Variants in SLC25A16 observed in about 807,000 individuals in gnomAD.
The protein encoded by SLC25A16 is solute carrier family 25 member 16.
SLC25A16 carries 39 observed loss-of-function variants against 41.5 expected under a neutral mutation model. The observed-to-expected ratio is 0.94, with a 90% CI of 0.73 to 1.23. The LOEUF (loss-of-function observed/expected upper bound fraction) is 1.23, where lower values mean the gene tolerates loss of function less well. SLC25A16 is among the 50% of genes most tolerant of loss of function. The pLI, the probability that SLC25A16 is intolerant of heterozygous loss-of-function variation, is 0.00. For missense variants in SLC25A16, 421 were observed against 426.9 expected, an observed-to-expected ratio of 0.99 and a Z score of 0.12; for synonymous variants, 146 against 147.8, an observed-to-expected ratio of 0.99 and a Z score of 0.09.
chr10:68,493,079 AG>A (rs1181124630), intron 6 of SLC25A16, 52 bp downstream of exon 6: 156 of 994,722 alleles, frequency 1.6e-4, no homozygotes, highest in Middle Eastern at 4.5e-4. Flanking sequence ...AAAAAAAAAA[AG>A]GTAACAAATT....
chr10:68,499,169 C>T (rs1346799481), intron 4 of SLC25A16, among the ~76,000 whole-genome samples: 1 of 152,014 alleles, frequency 6.6e-6, no homozygotes, highest in Non-Finnish European at 1.5e-5. Context: ...AACAAACATA[C>T]AGGCAAGTTA....
At position 68,526,593 on chromosome 10, in the gene SLC25A16, T is replaced by A. The variant is rs941767682; in HGVS notation, c.130+653A>T. On this transcript the variant is annotated intron_variant, in intron 1 of 8. Coordinates refer to ENST00000609923, the MANE Select transcript of SLC25A16 (RefSeq NM_152707.4). ...CTTTCCTAAGTCTCTCGTTCCACCT[T>A]ACGAGAAACACCCACAGGTGTGGAG... Among the ~76,000 whole-genome samples the A allele has an allele frequency of 9.9e-5, 15 of 152,128 alleles. 1 individual carries two copies. Among genetic ancestry groups the A allele is most frequent in the African/African-American group, 3.6e-4 (15 of 41,436 alleles).
intron 1 of SLC25A16, 47 bp from the exon 2 acceptor site, chr10:68,516,890 T>C: frequency 7.1e-7 from 1 of 1,413,080 alleles, no homozygotes; most frequent in East Asian, 2.3e-5. Context: ...ACCATTTCTT[T>C]CCAGATGGAA....
chr10:68,480,486 G>GT lies in SLC25A16; in HGVS notation c.*2945dup, dbSNP rs1564905208. ...CCCTTTTACTGATAACCTAACTGAG[G>GT]TATCTTTTTTTTTTTTTTTTTTTTT... is the stretch of plus-strand genomic sequence containing the variant. On this transcript the variant is annotated 3_prime_UTR_variant, in exon 9 of 9. Transcript: ENST00000609923. 1 of 131,092 alleles carries GT rather than the reference G, an allele frequency of 7.6e-6. No homozygotes were observed. The highest frequency in any genetic ancestry group is 2.9e-5 in the African/African-American group (1 of 35,066). 8.1% of individuals were successfully genotyped at this position (131,092 alleles called of 1,614,324 possible).
At chr10:68,489,974 T>A (rs920487020) in intron 6 of SLC25A16, among the ~76,000 whole-genome samples, 1 of 151,298 alleles carries the variant, frequency 6.6e-6, no homozygotes, top group Non-Finnish European at 1.5e-5. Context: ...ATTATGAAAC[T>A]GCCGTAGCCC....
chr10:68,521,980 G>A (rs751947081), intron 1 of SLC25A16, among the ~76,000 whole-genome samples: 12 of 151,908 alleles, frequency 7.9e-5, no homozygotes, highest in Admixed American at 2.0e-4. Context: ...GGCCAACATA[G>A]TGAAACCCGT....
intron 1 of SLC25A16, among the ~76,000 whole-genome samples, chr10:68,524,533 C>T (rs1245281591): frequency 1.4e-5 from 2 of 147,724 alleles, no homozygotes; most frequent in East Asian, 2.0e-4. Context: ...AGTAAGACAC[C>T]GTCTCAAAAA....
At chr10:68,508,645 G>T (rs192993664) in intron 2 of SLC25A16, among the ~76,000 whole-genome samples, 1 of 151,966 alleles carries the variant, frequency 6.6e-6, no homozygotes, top group Non-Finnish European at 1.5e-5. Context: ...TTGAACCCGG[G>T]AGGCGGAGGT....
chr10:68,507,070 CTTTTTTTT>C (rs71019019), intron 2 of SLC25A16, among the ~76,000 whole-genome samples: 2 of 115,634 alleles, frequency 1.7e-5, no homozygotes, highest in African/African-American at 3.2e-5. Flanking sequence ...ATGACCTACT[CTTTTTTTT>C]TTTTTTTTTT....
At chr10:68,494,287 C>T (rs111395106) in intron 4 of SLC25A16, among the ~76,000 whole-genome samples, 1 of 151,664 alleles carries the variant, frequency 6.6e-6, no homozygotes, top group Non-Finnish European at 1.5e-5. Context: ...CATGGTGAAA[C>T]CCCATCTCTA....
chr10:68,496,378 T>G (rs753937372), intron 4 of SLC25A16: 14 of 542,434 alleles, frequency 2.6e-5, no homozygotes, highest in Non-Finnish European at 3.3e-5. Flanking sequence ...ACACTTCTTT[T>G]AAGAAGGCCA....
At chr10:68,520,931 C>T (rs1382986362) in intron 1 of SLC25A16, among the ~76,000 whole-genome samples, 3 of 151,530 alleles carry the variant, frequency 2.0e-5, no homozygotes, top group African/African-American at 2.4e-5. Flanking sequence ...GTCAGGAGAT[C>T]GAGACCATCC....
intron 5 of SLC25A16, 42 bp from the exon 6 acceptor site, chr10:68,493,240 T>C (rs1461502049): frequency 1.5e-6 from 2 of 1,369,522 alleles, no homozygotes; most frequent in Non-Finnish European, 2.0e-6. Flanking sequence ...TACATTGTGC[T>C]CATTATCATA....
In SLC25A16 at chr10:68,488,584, G is replaced by C; in HGVS notation, c.656C>G (p.Ser219Cys). The change falls in exon 7 of 9, where the codon TCC (serine) becomes TGC (cysteine). Residue 219 changes from serine (S) to cysteine (C), a missense_variant. Physicochemically the swap from Ser to Cys is moderately radical, Grantham distance 112. Transcript: ENST00000609923. ...TFGTLKSVGL[S>C]HAPTLLGRPS... The stretch of plus-strand genomic sequence containing the variant: ...TCTGCCAAGAAGGGTAGGAGCATGG[G>C]AAAGCCCAACACTCTTCAAGGTACC... 1 of 1,611,728 alleles carries C rather than the reference G, an allele frequency of 6.2e-7. No homozygotes were observed. The highest frequency in any genetic ancestry group is 1.3e-5 in the African/African-American group (1 of 74,866).
chr10:68,524,107 G>A (rs1020316342), intron 1 of SLC25A16, among the ~76,000 whole-genome samples: 29 of 151,838 alleles, frequency 1.9e-4, no homozygotes, highest in East Asian at 1.2e-3. Flanking sequence ...TCAGGAGATC[G>A]AGACCATCCT....
intron 4 of SLC25A16, among the ~76,000 whole-genome samples, chr10:68,500,656 C>T (rs1219095029): frequency 6.6e-6 from 1 of 151,458 alleles, no homozygotes; most frequent in Non-Finnish European, 1.5e-5. Flanking sequence ...ATAGGACAGG[C>T]ACCATGGCTC....
chr10:68,518,318 C>G (rs9414980), intron 1 of SLC25A16: 1 of 148,720 alleles, frequency 6.7e-6, no homozygotes, highest in Non-Finnish European at 1.5e-5. Flanking sequence ...CTGGGGAGGC[C>G]GAGGAAGAAG....
intron 4 of SLC25A16, among the ~76,000 whole-genome samples, chr10:68,501,539 G>A (rs1368122483): frequency 6.6e-6 from 1 of 150,430 alleles, no homozygotes; most frequent in Non-Finnish European, 1.5e-5. Context: ...AAGAGGAGAA[G>A]AGGAGAGGAG....
chr10:68,498,062 C>T (rs1369474869), intron 4 of SLC25A16, among the ~76,000 whole-genome samples: 1 of 152,056 alleles, frequency 6.6e-6, no homozygotes, highest in Non-Finnish European at 1.5e-5. Flanking sequence ...ACAGAAATCA[C>T]AGATCTCTGA....
Sources: allele counts gnomAD v4.1 joint callset (sites outside exome capture counted in the v4.1 genomes callset), GRCh38; gene constraint gnomAD v4.1.1; transcripts MANE v1.5; gene names NCBI Gene and HGNC (gene_info 2026-07-23, HGNC 2026-07-21).